The following KLHL4 variants were observed in gnomAD, a reference collection of about 807,000 sequenced individuals.
The protein encoded by KLHL4 is kelch like family member 4, also known as kelch-like protein 4.
Under a neutral mutation model 45.8 loss-of-function variants are expected in KLHL4, and 17 were observed. The ratio of observed to expected loss-of-function variants is 0.37; its 90% CI spans 0.25 to 0.56. The LOEUF is 0.56. Ranked by LOEUF, KLHL4 falls within the 20% of genes least tolerant of loss-of-function variation. The pLI, the probability that KLHL4 is intolerant of heterozygous loss-of-function variation, is 0.79. For missense variants in KLHL4, 544 were observed against 544.9 expected (o/e 1.00, Z 0.02); for synonymous variants, 224 against 189.9 (o/e 1.18, Z -1.47).
intron 1 of KLHL4, among the ~76,000 whole-genome samples, chrX:87,597,202 G>T (rs1921865187): frequency 9.2e-6 from 1 of 108,767 alleles, no homozygotes; most frequent in Non-Finnish European, 1.9e-5. Context: ...ACTTTATATG[G>T]ACTGCTTTGT....
chrX:87,651,903 C>T (rs2147836835), intron 9 of KLHL4, among the ~76,000 whole-genome samples: 1 of 112,821 alleles, frequency 8.9e-6, no homozygotes, highest in Admixed American at 9.3e-5. Flanking sequence ...CCACATTTCC[C>T]TTCTGCACTG....
intron 1 of KLHL4, among the ~76,000 whole-genome samples, chrX:87,605,171 T>C: frequency 8.9e-6 from 1 of 111,825 alleles, no homozygotes; most frequent in East Asian, 2.8e-4. Context: ...TATAGTCTTG[T>C]AATATACTTT....
At chrX:87,587,085 C>T (rs1921499824) in intron 1 of KLHL4, among the ~76,000 whole-genome samples, 1 of 96,315 alleles carries the variant, frequency 1.0e-5, no homozygotes, top group South Asian at 4.8e-4. Flanking sequence ...AAATCTAAAA[C>T]CTGAACAGAT....
At chrX:87,618,159 G>A (rs1477540056) in intron 4 of KLHL4, 31 bp downstream of exon 4, 19 of 1,030,704 alleles carry the variant, frequency 1.8e-5, no homozygotes, top group Non-Finnish European at 2.5e-5. Flanking sequence ...TGAACTTGTA[G>A]TAAAAATATG....
At chrX:87,574,539 C>T (rs763695971) in intron 1 of KLHL4, among the ~76,000 whole-genome samples, 172 of 111,607 alleles carry the variant, frequency 1.5e-3, no homozygotes, top group African/African-American at 5.4e-3. Context: ...AATTAGCATG[C>T]CATAGAATTC....
intron 1 of KLHL4, among the ~76,000 whole-genome samples, chrX:87,601,734 T>A (rs1413016056): frequency 2.7e-5 from 3 of 111,724 alleles, no homozygotes; most frequent in African/African-American, 9.7e-5. Flanking sequence ...TGGCCTCATG[T>A]GCCTGGCTAC....
intron 1 of KLHL4, among the ~76,000 whole-genome samples, chrX:87,540,203 C>T (rs909709760): frequency 4.5e-5 from 5 of 111,392 alleles, no homozygotes; most frequent in Non-Finnish European, 9.4e-5. Flanking sequence ...TGAAGGCCTA[C>T]AACATTACTG....
rs899469012 is a variant in KLHL4, at chrX:87,625,809, T to C, written c.1324+13T>C. The C allele has an allele frequency of 1.7e-6, 2 of 1,146,272 alleles. No individual in the cohort carries two copies. Among genetic ancestry groups the C allele is most frequent in the Non-Finnish European group, 2.4e-6 (2 of 847,514 alleles). The allele number at this position is 1,146,272 out of a possible 1,213,427, so 94.5% of individuals were successfully genotyped here. A position where few individuals can be genotyped will look rare whatever the true frequency, so the allele number is the denominator to read the frequency against. Reference sequence around the variant, plus strand: ...GATGCTATGAAAGGTAAAAATAACTTAGAGTGTCTTCATTCAAAAAAGATA... The same window carrying C: ...GATGCTATGAAAGGTAAAAATAACTCAGAGTGTCTTCATTCAAAAAAGATA... On this transcript the variant is annotated intron_variant, in intron 6 of 10. Transcript: ENST00000373119.
chrX:87,641,767 G>A (rs1569360190), intron 9 of KLHL4, among the ~76,000 whole-genome samples: 1 of 110,565 alleles, frequency 9.0e-6, no homozygotes, highest in Non-Finnish European at 1.9e-5. Flanking sequence ...GTGACTGCTG[G>A]CTTTCCCCCA....
intron 4 of KLHL4, among the ~76,000 whole-genome samples, chrX:87,621,493 TA>T (rs201138014): frequency 0.045 from 4,351 of 97,737 alleles, 246 homozygotes; most frequent in African/African-American, 0.15. Context: ...AATTTATTAT[TA>T]TTTTTTTTGA....
chrX:87,662,975 G>A (rs146758924), intron 9 of KLHL4, among the ~76,000 whole-genome samples: 3,190 of 104,812 alleles, frequency 0.03, 134 homozygotes, highest in African/African-American at 0.11. Context: ...CACCCTCTAC[G>A]GAATCAGATA....
intron 4 of KLHL4, among the ~76,000 whole-genome samples, chrX:87,621,537 C>T (rs776203967): frequency 5.9e-4 from 52 of 87,812 alleles, no homozygotes; most frequent in Admixed American, 2.3e-4. Context: ...AAAAAAAATA[C>T]GAAAATATTA....
At chrX:87,603,138 GAGA>G (rs1922072094) in intron 1 of KLHL4, among the ~76,000 whole-genome samples, 1 of 111,492 alleles carries the variant, frequency 9.0e-6, no homozygotes, top group African/African-American at 3.3e-5. Flanking sequence ...TAATTTAATT[GAGA>G]CTACCTCTGT....
chrX:87,545,414 T>C (rs1007769180), intron 1 of KLHL4, among the ~76,000 whole-genome samples: 2 of 111,348 alleles, frequency 1.8e-5, no homozygotes, highest in Admixed American at 1.9e-4. Context: ...CTGATGGTTT[T>C]ATAAGGGGCT....
chrX:87,602,167 TA>T (rs1325343522), intron 1 of KLHL4, among the ~76,000 whole-genome samples: 1 of 111,552 alleles, frequency 9.0e-6, no homozygotes, highest in East Asian at 2.8e-4. Flanking sequence ...CAGAGAAAAT[TA>T]AAAATCAACA....
intron 1 of KLHL4, among the ~76,000 whole-genome samples, chrX:87,591,756 A>T (rs1921672525): frequency 8.9e-6 from 1 of 111,921 alleles, no homozygotes; most frequent in Non-Finnish European, 1.9e-5. Context: ...GGATATTTAC[A>T]GGGTATATGA....
intron 4 of KLHL4, 30 bp downstream of exon 4, chrX:87,618,158 AG>A (rs1922626102): frequency 9.4e-7 from 1 of 1,061,509 alleles, no homozygotes; most frequent in Admixed American, 2.6e-5. Flanking sequence ...CTGAACTTGT[AG>A]TAAAAATATG....
chrX:87,642,857 AAAGAAT>A (rs1923509292), intron 9 of KLHL4, among the ~76,000 whole-genome samples: 1 of 112,135 alleles, frequency 8.9e-6, no homozygotes, highest in African/African-American at 3.2e-5. Flanking sequence ...GACAAAGAAA[AAAGAAT>A]AAGAAAATAT....
At chrX:87,582,481 A>G (rs1485995192) in intron 1 of KLHL4, among the ~76,000 whole-genome samples, 2 of 111,881 alleles carry the variant, frequency 1.8e-5, no homozygotes. Context: ...GCCGTTCAGA[A>G]AGGGAACATT....
Sources: allele counts gnomAD v4.1 joint callset (sites outside exome capture counted in the v4.1 genomes callset), GRCh38; gene constraint gnomAD v4.1.1; transcripts MANE v1.5; gene names NCBI Gene and HGNC (gene_info 2026-07-23, HGNC 2026-07-21).